The following PRKG1 variants were observed in gnomAD, a reference collection of about 807,000 sequenced individuals.
PRKG1 encodes cGMP-dependent protein kinase 1.
PRKG1 carries 35 observed loss-of-function variants against 88.1 expected under a neutral mutation model. The observed-to-expected ratio is 0.40, with a 90% CI of 0.30 to 0.53. The LOEUF is 0.53. Ranked by LOEUF, PRKG1 falls within the 20% of genes least tolerant of loss-of-function variation. The pLI is 0.59. For synonymous variants in PRKG1, 303 were observed against 292.5 expected, an observed-to-expected ratio of 1.04 and a Z score of -0.37; for missense variants, 540 against 839.8, an observed-to-expected ratio of 0.64 and a Z score of 4.41.
chr10:52,027,915 A>C (rs1479653358), intron 5 of PRKG1, among the ~76,000 whole-genome samples: 1 of 152,052 alleles, frequency 6.6e-6, no homozygotes, highest in Non-Finnish European at 1.5e-5. Context: ...CAGCCACCAG[A>C]GTAGCTGGGA....
At chr10:51,521,280 A>C (rs1238435612) in intron 3 of PRKG1, among the ~76,000 whole-genome samples, 1 of 152,116 alleles carries the variant, frequency 6.6e-6, no homozygotes, top group Non-Finnish European at 1.5e-5. Context: ...ACAGAGCGAG[A>C]CTCTGTCTCA....
intron 3 of PRKG1, among the ~76,000 whole-genome samples, chr10:51,489,646 G>T (rs1840653772): frequency 6.6e-6 from 1 of 151,878 alleles, no homozygotes; most frequent in African/African-American, 2.4e-5. Flanking sequence ...ACAGGAAAAT[G>T]ACATGTGTTG....
At chr10:51,455,451 T>C (rs1226326259) in intron 2 of PRKG1, among the ~76,000 whole-genome samples, 2 of 152,194 alleles carry the variant, frequency 1.3e-5, no homozygotes, top group Admixed American at 6.5e-5. Context: ...TTCTTTCCTA[T>C]CGCATAGTCA....
intron 3 of PRKG1, among the ~76,000 whole-genome samples, chr10:51,751,181 T>C (rs1329178702): frequency 6.6e-6 from 1 of 152,154 alleles, no homozygotes; most frequent in African/African-American, 2.4e-5. Flanking sequence ...GCCCCTCAGA[T>C]GTAGGATTGC....
chr10:52,246,873 T>A (rs1841035760), intron 9 of PRKG1, among the ~76,000 whole-genome samples: 1 of 87,338 alleles, frequency 1.1e-5, no homozygotes, highest in African/African-American at 4.7e-5. Flanking sequence ...TGAAACACAG[T>A]CTCAAAAAAA....
chr10:51,592,324 T>C (rs575376838), intron 3 of PRKG1, among the ~76,000 whole-genome samples: 1 of 152,324 alleles, frequency 6.6e-6, no homozygotes, highest in South Asian at 2.1e-4. Flanking sequence ...AACACTTGTT[T>C]ACTCTTGCCA....
At chr10:51,290,967 A>T (rs1475232176) in intron 2 of PRKG1, among the ~76,000 whole-genome samples, 1 of 152,194 alleles carries the variant, frequency 6.6e-6, no homozygotes, top group African/African-American at 2.4e-5. Context: ...ACTATAAGCT[A>T]TACTACATGT....
At chr10:51,946,421 C>A (rs182127496) in intron 5 of PRKG1, among the ~76,000 whole-genome samples, 1 of 152,038 alleles carries the variant, frequency 6.6e-6, no homozygotes, top group Non-Finnish European at 1.5e-5. Context: ...TCCTGTAGCT[C>A]GGAGTAGTTT....
Position 52,212,231 on chromosome 10 carries a change from G to A in PRKG1, c.1077-39339G>A, listed in dbSNP as rs145875655. Among the ~76,000 whole-genome samples, 231 of 152,304 alleles carry A rather than the reference G, an allele frequency of 1.5e-3. 1 individual carries two copies. Among genetic ancestry groups the A allele is most frequent in the East Asian group, 0.015 (76 of 5,176 alleles). On this transcript the variant is annotated intron_variant, in intron 9 of 17. Coordinates refer to ENST00000373980, the MANE Select transcript of PRKG1 (RefSeq NM_006258.4). Reference sequence around the variant, plus strand: ...CTGGATTGGTTACAGCTCAGCATCTGCTTTAGTCAGAGAAGGTTTGAGCAA... The same window carrying A: ...CTGGATTGGTTACAGCTCAGCATCTACTTTAGTCAGAGAAGGTTTGAGCAA...
At chr10:51,908,893 C>T (rs1003079204) in intron 5 of PRKG1, 12 of 151,938 alleles carry the variant, frequency 7.9e-5, no homozygotes, top group African/African-American at 2.9e-4. Context: ...CCATGCCCGG[C>T]TAATTTTTTT....
intron 2 of PRKG1, among the ~76,000 whole-genome samples, chr10:51,249,975 T>A (rs10996327): frequency 0.091 from 13,870 of 151,850 alleles, 770 homozygotes; most frequent in Middle Eastern, 0.15. Flanking sequence ...CATATCCACA[T>A]GCATTTATGT....
chr10:51,654,961 G>A (rs564276220), intron 3 of PRKG1, among the ~76,000 whole-genome samples: 97 of 152,278 alleles, frequency 6.4e-4, no homozygotes, highest in African/African-American at 2.2e-3. Flanking sequence ...AATCTTTTGT[G>A]AGGAAATTAT....
intron 1 of PRKG1, among the ~76,000 whole-genome samples, chr10:51,127,048 A>G (rs1337429313): frequency 6.6e-6 from 1 of 152,218 alleles, no homozygotes; most frequent in South Asian, 2.1e-4. Flanking sequence ...AGATGTAGGC[A>G]TGGACAAAGA....
chr10:51,198,200 C>T (rs1219197230), intron 2 of PRKG1, among the ~76,000 whole-genome samples: 1 of 152,110 alleles, frequency 6.6e-6, no homozygotes, highest in Non-Finnish European at 1.5e-5. Context: ...TGGATGTGAG[C>T]TTCTTGGCTT....
chr10:50,997,674 G>A (rs184981832), intron 1 of PRKG1, among the ~76,000 whole-genome samples: 5 of 152,282 alleles, frequency 3.3e-5, no homozygotes, highest in African/African-American at 4.8e-5. Context: ...GCTCTTGGAA[G>A]TTACTGTGAG....
intron 1 of PRKG1, among the ~76,000 whole-genome samples, chr10:51,133,682 G>A (rs1008151087): frequency 1.3e-5 from 2 of 152,052 alleles, no homozygotes; most frequent in Non-Finnish European, 2.9e-5. Context: ...AAAAGAGATG[G>A]CCTAGTTCTT....
intron 2 of PRKG1, among the ~76,000 whole-genome samples, chr10:51,315,827 G>A (rs1051544654): frequency 2.6e-5 from 4 of 152,188 alleles, no homozygotes; most frequent in Non-Finnish European, 5.9e-5. Flanking sequence ...TCAGTCAAGA[G>A]GGAGAAGTGA....
At chr10:51,416,689 G>A (rs117600188) in intron 2 of PRKG1, among the ~76,000 whole-genome samples, 2,011 of 152,192 alleles carry the variant, frequency 0.013, 19 homozygotes, top group Non-Finnish European at 0.021. Context: ...GTGTAAGAAC[G>A]TGGAAATGAC....
At chr10:52,193,032 G>A (rs1240789818) in intron 9 of PRKG1, among the ~76,000 whole-genome samples, 1 of 152,112 alleles carries the variant, frequency 6.6e-6, no homozygotes, top group Non-Finnish European at 1.5e-5. Context: ...GGCAGGAAGT[G>A]CAGTAGTTAA....
Sources: gnomAD v4.1 joint callset for allele counts (sites outside exome capture counted in the v4.1 genomes callset) on GRCh38, gnomAD v4.1.1 for gene constraint, MANE v1.5 for transcripts, NCBI Gene and HGNC (gene_info 2026-07-23, HGNC 2026-07-21) for gene names.